Variants in SLC12A3 observed in about 807,000 individuals in gnomAD.
The protein encoded by SLC12A3 is Na-Cl cotransporter.
Under a neutral mutation model 121.0 loss-of-function variants are expected in SLC12A3, and 104 were observed. That is an observed-to-expected ratio of 0.86 (90% CI 0.73 to 1.01). The LOEUF is 1.01. SLC12A3 is among the 50% of genes least tolerant of loss of function. The pLI is 0.00. For synonymous variants in SLC12A3, 536 were observed against 533.4 expected (o/e 1.00, Z -0.07); for missense variants, 1,328 against 1,356.3 (o/e 0.98, Z 0.33).
chr16:56,899,472 G>A, intron 22 of SLC12A3, 58 bp from the exon 23 acceptor site: 2 of 1,351,948 alleles, frequency 1.5e-6, no homozygotes, highest in Non-Finnish European at 1.1e-6. Context: ...CTGGGAGACA[G>A]AGCAAGACGC....
intron 25 of SLC12A3, among the ~76,000 whole-genome samples, chr16:56,910,625 C>T (rs2055673034): frequency 6.6e-6 from 1 of 152,182 alleles, no homozygotes; most frequent in Non-Finnish European, 1.5e-5. Flanking sequence ...CAGGCATGAG[C>T]CACTGTGCCT....
intron 13 of SLC12A3, among the ~76,000 whole-genome samples, chr16:56,883,403 C>T (rs1378026607): frequency 6.6e-6 from 1 of 151,470 alleles, no homozygotes; most frequent in African/African-American, 2.4e-5. Context: ...ACCTCAGCCT[C>T]CCCAGTAGCT....
At chr16:56,902,531 G>GGGGGGGGGCCC in intron 24 of SLC12A3, 23 bp downstream of exon 24, 1 of 714,536 alleles carries the variant, frequency 1.4e-6, no homozygotes, top group Non-Finnish European at 2.4e-6. Context: ...GTGGGGGTGG[G>GGGGGGGGGCCC]AAACGCGACA....
chr16:56,866,936 A>C, intron 1 of SLC12A3, 134 bp from the exon 2 acceptor site: 2 of 1,185,840 alleles, frequency 1.7e-6, no homozygotes, highest in South Asian at 2.6e-5. Context: ...CCCCTCAAGC[A>C]GCTCAACACC....
intron 22 of SLC12A3, among the ~76,000 whole-genome samples, chr16:56,899,296 G>A (rs1567445011): frequency 6.6e-6 from 1 of 151,080 alleles, no homozygotes; most frequent in Admixed American, 6.6e-5. Context: ...AGGATCACCC[G>A]AGGCCAACAT....
intron 12 of SLC12A3, among the ~76,000 whole-genome samples, chr16:56,882,014 A>C (rs1483008821): frequency 2.7e-5 from 4 of 150,338 alleles, no homozygotes; most frequent in Non-Finnish European, 4.4e-5. Context: ...ACGCCACTGC[A>C]CTCCAGCCTG....
At chr16:56,895,560 A>C (rs2055451286) in intron 22 of SLC12A3, among the ~76,000 whole-genome samples, 1 of 151,256 alleles carries the variant, frequency 6.6e-6, no homozygotes, top group Non-Finnish European at 1.5e-5. Flanking sequence ...TTTTTGAAAA[A>C]AGGAAATGAA....
In SLC12A3 at chr16:56,885,796, A is replaced by T. The variant is rs1374841439; in HGVS notation, c.1925+432A>T. Among the ~76,000 whole-genome samples the T allele has an allele frequency of 2.0e-5, 3 of 152,194 alleles. No homozygotes were observed. The East Asian group carries it at 5.8e-4, about 29-fold the overall frequency. On this transcript the variant is annotated intron_variant, in intron 15 of 25. Transcript: ENST00000563236. The stretch of plus-strand genomic sequence containing the variant: ...AATATCTATTTATGTCATGCTTACT[A>T]TGAGCCAGGTGCTTGCAAAGTGCCT...
chr16:56,870,629 T>C lies in SLC12A3; in HGVS notation c.745T>C (p.Tyr249His), dbSNP rs765138026. The C allele has an allele frequency of 1.1e-5, 17 of 1,596,940 alleles. No individual in the cohort carries two copies. In the South Asian group the frequency reaches 1.8e-4, roughly 17 times the overall value. Residue 249 changes from tyrosine (Y) to histidine (H), a missense_variant, in exon 6 of 26, where the codon TAT (tyrosine) becomes CAT (histidine). Tyr to His is a moderately conservative substitution (Grantham distance 83, BLOSUM62 2). Coordinates refer to ENST00000563236, the MANE Select transcript of SLC12A3 (RefSeq NM_001126108.2). ...CTGGCCCATTTTCCCTCCCCAGGAG[T>C]ATGGGGCACCCATCGTGGACCCCAT... is the stretch of plus-strand genomic sequence containing the variant. Reference protein sequence around the residue: ...AETVRDLLQEYGAPIVDPIND... With the variant: ...AETVRDLLQEHGAPIVDPIND...
At chr16:56,879,847 C>G (rs1295938049) in intron 11 of SLC12A3, among the ~76,000 whole-genome samples, 198 bp downstream of exon 11, 2 of 152,116 alleles carry the variant, frequency 1.3e-5, no homozygotes, top group Non-Finnish European at 2.9e-5. Context: ...ACCTGCAGTC[C>G]CCACCCCAAA....
In SLC12A3 at chr16:56,902,451, GCGGC is replaced by G. The variant is rs758020565; in HGVS notation, c.2800_2803del (p.Arg934GlyfsTer23). ...AGGATGAGGCCACTGTCAACGAGATGCGGCGGGACTGCCCCTGGAAGATCTCAGA... is the reference window on the plus strand; with the variant it reads ...AGGATGAGGCCACTGTCAACGAGATGGGGACTGCCCCTGGAAGATCTCAGA... On this transcript the variant is annotated frameshift_variant, in exon 24 of 26. Coordinates refer to ENST00000563236, the MANE Select transcript of SLC12A3 (RefSeq NM_001126108.2). LOFTEE classifies it high-confidence loss of function. 3 of 1,613,816 alleles carry G rather than the reference GCGGC, an allele frequency of 1.9e-6. No individual in the cohort carries two copies. In the South Asian group the frequency reaches 3.3e-5, roughly 18 times the overall value.
At chr16:56,887,798 A>ATATATATATATATATATATT (rs1433682477) in intron 17 of SLC12A3, 127 bp from the exon 18 acceptor site, 6 of 68,432 alleles carry the variant, frequency 8.8e-5, no homozygotes, top group Admixed American at 2.0e-4. Context: ...ATATATATAT[A>ATATATATATATATATATATT]TTTTTTTTTT....
chr16:56,904,593 C>A, intron 25 of SLC12A3, 131 bp downstream of exon 25: 1 of 853,456 alleles, frequency 1.2e-6, no homozygotes, highest in Non-Finnish European at 2.0e-6. Flanking sequence ...CCAAAGTTCC[C>A]ATAAACATAG....
rs149259406 is a variant in SLC12A3, at chr16:56,870,217, C to G, written c.723C>G (p.Thr241=). ...TGCACACGGTGGGCTTTGCAGAGAC[C>G]GTGCGGGACCTGCTCCAGGTGAGGC... The part of the protein sequence containing the change: ...VAMHTVGFAE[T]VRDLLQEYGA... The change falls in exon 5 of 26, where the codon ACC becomes ACG. Residue 241 remains threonine (T), a synonymous_variant. Coordinates refer to ENST00000563236, the MANE Select transcript of SLC12A3 (RefSeq NM_001126108.2). The G allele has an allele frequency of 6.2e-7, 1 of 1,613,692 alleles. No individual in the cohort carries two copies. Among genetic ancestry groups the G allele is most frequent in the East Asian group, 2.2e-5 (1 of 44,886 alleles).
At chr16:56,876,472 G>C (rs1221386133) in intron 8 of SLC12A3, among the ~76,000 whole-genome samples, 1 of 152,218 alleles carries the variant, frequency 6.6e-6, no homozygotes, top group Non-Finnish European at 1.5e-5. Flanking sequence ...GTCCATGCCT[G>C]CAGGGGCCCT....
At position 56,885,264 on chromosome 16, in the gene SLC12A3, G is replaced by C; in HGVS notation, c.1826-1G>C. On this transcript the variant is annotated splice_acceptor_variant, in intron 14 of 25. Coordinates refer to ENST00000563236, the MANE Select transcript of SLC12A3 (RefSeq NM_001126108.2). LOFTEE classifies it high-confidence loss of function. ...CCCCCGTTGCTCCCTTGCTCTCCCAGAGGTAAATTGGGGCTCCTCGGTACA... is the reference window on the plus strand; with the variant it reads ...CCCCCGTTGCTCCCTTGCTCTCCCACAGGTAAATTGGGGCTCCTCGGTACA... The C allele has an allele frequency of 6.5e-7, 1 of 1,547,526 alleles. No individual in the cohort carries two copies. Among genetic ancestry groups the C allele is most frequent in the Non-Finnish European group, 8.7e-7 (1 of 1,142,924 alleles).
intron 9 of SLC12A3, 144 bp from the exon 10 acceptor site, chr16:56,878,929 C>T (rs566887422): frequency 3.0e-6 from 3 of 1,008,952 alleles, no homozygotes; most frequent in South Asian, 1.4e-5. Context: ...TCCGGGCACA[C>T]CTTCATTGTC....
intron 6 of SLC12A3, among the ~76,000 whole-genome samples, 162 bp from the exon 7 acceptor site, chr16:56,872,189 A>G (rs1354416754): frequency 1.3e-5 from 2 of 152,224 alleles, no homozygotes; most frequent in Non-Finnish European, 2.9e-5. Context: ...GTTCACTGCT[A>G]TATTCCCAAC....
intron 8 of SLC12A3, among the ~76,000 whole-genome samples, chr16:56,873,666 G>A (rs190926603): frequency 6.7e-6 from 1 of 150,196 alleles, no homozygotes; most frequent in East Asian, 2.0e-4. Context: ...GGGATTATAG[G>A]GGTGAGCCAC....
Sources: allele counts gnomAD v4.1 joint callset (sites outside exome capture counted in the v4.1 genomes callset), GRCh38; gene constraint gnomAD v4.1.1; transcripts MANE v1.5; gene names NCBI Gene and HGNC (gene_info 2026-07-23, HGNC 2026-07-21).